CSMD1: variants seen among roughly 807,000 people sequenced by gnomAD.
CSMD1 encodes CUB and sushi domain-containing protein 1.
A neutral mutation model predicts 417.5 loss-of-function variants in CSMD1; 213 were observed. The observed-to-expected ratio is 0.51, with a 90% CI of 0.46 to 0.57. The LOEUF is 0.57. Among genes scored for constraint, CSMD1 ranks in the 20% least tolerant of loss-of-function variants. CSMD1 has a pLI of 0.00. For missense variants in CSMD1, 6,923 were observed against 4,529.7 expected (o/e 1.53, Z -15.17); for synonymous variants, 2,862 against 1,736.8 (o/e 1.65, Z -16.11).
intron 2 of CSMD1, among the ~76,000 whole-genome samples, chr8:4,425,934 A>G (rs1343613065): frequency 6.6e-6 from 1 of 152,170 alleles, no homozygotes; most frequent in African/African-American, 2.4e-5. Flanking sequence ...TACAAAAAAT[A>G]CAAGCATGCT....
rs576921758 is a variant in CSMD1 at position 4,079,016 on chromosome 8, G to C, written c.416-46917C>G. Among the ~76,000 whole-genome samples, 47 of 148,988 alleles carry C rather than the reference G, an allele frequency of 3.2e-4. No individual in the cohort carries two copies. The East Asian group carries it at 6.1e-3, about 19-fold the overall frequency. ...TAACAGTATCATATGTCACCCATCTGATTTGTTGTGTCCAGGTATGGACCC... is the reference window on the plus strand; with the variant it reads ...TAACAGTATCATATGTCACCCATCTCATTTGTTGTGTCCAGGTATGGACCC... On this transcript the variant is annotated intron_variant, in intron 3 of 69. Coordinates refer to ENST00000635120, the MANE Select transcript of CSMD1 (RefSeq NM_033225.6).
intron 3 of CSMD1, among the ~76,000 whole-genome samples, chr8:4,286,294 C>T (rs1398317500): frequency 6.6e-6 from 1 of 152,074 alleles, no homozygotes; most frequent in Non-Finnish European, 1.5e-5. Flanking sequence ...GCTATCTGTC[C>T]TCAGGGGCCG....
chr8:3,291,513 T>C (rs1235474823), intron 25 of CSMD1, among the ~76,000 whole-genome samples: 1 of 152,188 alleles, frequency 6.6e-6, no homozygotes, highest in Non-Finnish European at 1.5e-5. Context: ...ACCCTGTTAT[T>C]GGTCTATTCA....
In CSMD1 at chr8:4,000,379, T is replaced by A. The variant is rs1192878875; in HGVS notation, c.611-2269A>T. Among the ~76,000 whole-genome samples the A allele has an allele frequency of 3.9e-5, 6 of 152,246 alleles. No individual in the cohort carries two copies. In the East Asian group the frequency reaches 9.6e-4, roughly 24 times the overall value. The stretch of plus-strand genomic sequence containing the variant: ...ATGTGATCATACATATACAGTTCCC[T>A]GTCAAAATTGTATTTTTGAACAGAG... On this transcript the variant is annotated intron_variant, in intron 4 of 69. Transcript: ENST00000635120.
intron 7 of CSMD1, among the ~76,000 whole-genome samples, chr8:3,682,426 C>A (rs188780093): frequency 7.9e-5 from 12 of 152,214 alleles, no homozygotes; most frequent in Admixed American, 2.6e-4. Flanking sequence ...ATGCAGCCAA[C>A]AGACACATGA....
chr8:4,304,809 A>G (rs1798158044), intron 3 of CSMD1, among the ~76,000 whole-genome samples: 1 of 152,236 alleles, frequency 6.6e-6, no homozygotes, highest in African/African-American at 2.4e-5. Flanking sequence ...ACCTTGGTGC[A>G]GGTCATTCAG....
intron 1 of CSMD1, among the ~76,000 whole-genome samples, chr8:4,860,716 C>A (rs1297400423): frequency 1.3e-5 from 2 of 152,156 alleles, no homozygotes; most frequent in Non-Finnish European, 2.9e-5. Flanking sequence ...AAGACAAATA[C>A]ATTTATGTAA....
chr8:3,167,825 T>G (rs141502244), intron 37 of CSMD1, among the ~76,000 whole-genome samples: 384 of 152,296 alleles, frequency 2.5e-3, no homozygotes, highest in African/African-American at 8.9e-3. Flanking sequence ...TCCCTGGAAT[T>G]TATTGTAGCC....
At chr8:3,077,074 T>A (rs1247268477) in intron 49 of CSMD1, among the ~76,000 whole-genome samples, 3 of 152,136 alleles carry the variant, frequency 2.0e-5, no homozygotes, top group Non-Finnish European at 4.4e-5. Flanking sequence ...GTATGTGTGT[T>A]AAACCCATGC....
chr8:4,661,485 G>T lies in CSMD1; in HGVS notation c.86-23927C>A, dbSNP rs79885446. Among the ~76,000 whole-genome samples the T allele has an allele frequency of 2.8e-3, 419 of 152,216 alleles. 4 individuals carry two copies. The highest frequency in any genetic ancestry group is 0.015 in the East Asian group (78 of 5,170). ...GATTATTCATTGCTATGGGTTAGGC[G>T]GTGGGGTCAGGAGGAACGTGAATGT... On this transcript the variant is annotated intron_variant, in intron 1 of 69. Transcript: ENST00000635120.
intron 1 of CSMD1, among the ~76,000 whole-genome samples, chr8:4,840,591 G>A (rs947157942): frequency 6.6e-6 from 1 of 152,142 alleles, no homozygotes; most frequent in African/African-American, 2.4e-5. Context: ...ACAAATGTAA[G>A]AAAATATAGC....
chr8:3,943,749 C>G (rs1373349036), intron 5 of CSMD1, among the ~76,000 whole-genome samples: 1 of 151,966 alleles, frequency 6.6e-6, no homozygotes, highest in African/African-American at 2.4e-5. Context: ...TGAATCTAAT[C>G]ACAAAGAAAC....
chr8:2,993,662 C>A (rs934629435), intron 54 of CSMD1, among the ~76,000 whole-genome samples: 1 of 152,096 alleles, frequency 6.6e-6, no homozygotes, highest in Non-Finnish European at 1.5e-5. Flanking sequence ...TAGATCTAAT[C>A]CTCTAGTGTA....
In CSMD1 at chr8:4,924,068, G is replaced by C. The variant is rs146411318; in HGVS notation, c.85+70264C>G. Reference sequence around the variant, plus strand: ...AGTCTCAATCACTGTAGGCAGAAAAGTGATGAACAAGACAAGTTTCTGCCG... The same window carrying C: ...AGTCTCAATCACTGTAGGCAGAAAACTGATGAACAAGACAAGTTTCTGCCG... On this transcript the variant is annotated intron_variant, in intron 1 of 69. Coordinates refer to ENST00000635120, the MANE Select transcript of CSMD1 (RefSeq NM_033225.6). Among the ~76,000 whole-genome samples the C allele has an allele frequency of 1.8e-3, 268 of 152,300 alleles. 1 individual carries two copies. Among genetic ancestry groups the C allele is most frequent in the African/African-American group, 6.0e-3 (251 of 41,556 alleles).
At chr8:3,945,889 C>T (rs909878817) in intron 5 of CSMD1, among the ~76,000 whole-genome samples, 2 of 152,064 alleles carry the variant, frequency 1.3e-5, no homozygotes, top group African/African-American at 2.4e-5. Context: ...GACATAAGAA[C>T]GTACTGACTA....
intron 3 of CSMD1, among the ~76,000 whole-genome samples, chr8:4,198,909 T>G (rs974306720): frequency 6.6e-6 from 1 of 151,934 alleles, no homozygotes; most frequent in African/African-American, 2.4e-5. Flanking sequence ...TTTACTTTCC[T>G]TCCACGCAGG....
At chr8:3,401,265 A>G (rs978282405) in intron 15 of CSMD1, among the ~76,000 whole-genome samples, 6 of 152,118 alleles carry the variant, frequency 3.9e-5, no homozygotes, top group Non-Finnish European at 7.4e-5. Flanking sequence ...AGTTATTTCT[A>G]TGTGTGAATT....
chr8:4,637,233 G>T (rs747713613), intron 2 of CSMD1, 109 bp downstream of exon 2: 2 of 981,484 alleles, frequency 2.0e-6, no homozygotes, highest in African/African-American at 1.6e-5. Context: ...CGAACCCACC[G>T]GAAGGAACCA....
chr8:4,892,458 T>C (rs190482528), intron 1 of CSMD1, among the ~76,000 whole-genome samples: 40 of 152,232 alleles, frequency 2.6e-4, no homozygotes, highest in African/African-American at 9.4e-4. Flanking sequence ...AATAGGTTCA[T>C]GTCTTTTAAT....
Sources: gnomAD v4.1 joint callset for allele counts (sites outside exome capture counted in the v4.1 genomes callset) on GRCh38, gnomAD v4.1.1 for gene constraint, MANE v1.5 for transcripts, NCBI Gene and HGNC (gene_info 2026-07-23, HGNC 2026-07-21) for gene names.